BRWD3: variants seen among roughly 807,000 people sequenced by gnomAD.
BRWD3 encodes bromodomain and WD repeat-containing protein 3.
In BRWD3, 10 loss-of-function variants were observed where a neutral mutation model predicts 149.7. The ratio of observed to expected loss-of-function variants is 0.07; its 90% CI spans 0.04 to 0.11. BRWD3 has a LOEUF of 0.11. Among genes scored for constraint, BRWD3 ranks in the 10% least tolerant of loss-of-function variants. The pLI, the probability that BRWD3 is intolerant of heterozygous loss-of-function variation, is 1.00. For missense variants in BRWD3, 940 were observed against 1,373.2 expected (o/e 0.68, Z 4.99); for synonymous variants, 504 against 456.7 (o/e 1.10, Z -1.32).
intron 6 of BRWD3, among the ~76,000 whole-genome samples, chrX:80,779,184 G>A (rs1003761985): frequency 6.3e-5 from 7 of 110,355 alleles, no homozygotes; most frequent in East Asian, 5.7e-4. Flanking sequence ...GCGTGGTGGC[G>A]CATGCCTGCA....
intron 19 of BRWD3, among the ~76,000 whole-genome samples, chrX:80,716,592 T>C (rs2147743834): frequency 8.9e-6 from 1 of 112,372 alleles, no homozygotes; most frequent in East Asian, 2.8e-4. Context: ...ATTTGTCCTT[T>C]TGTCTCTGGC....
rs981558589 is a variant in BRWD3, at chrX:80,670,019, A to G, written c.*6590T>C. 1.8e-5 allele frequency among the ~76,000 whole-genome samples: 2 copies of G among 111,033 alleles called. No homozygotes were observed. Among genetic ancestry groups the G allele is most frequent in the Non-Finnish European group, 3.8e-5 (2 of 52,944 alleles). On this transcript the variant is annotated 3_prime_UTR_variant, in exon 41 of 41. Coordinates refer to ENST00000373275, the MANE Select transcript of BRWD3 (RefSeq NM_153252.5). ...CTAGATGTCTAGAATAATTAAAATT[A>G]TAAGATTTTATAATTATAATTAGAT...
At chrX:80,744,287 A>G (rs779118562) in intron 7 of BRWD3, 34 bp from the exon 8 acceptor site, 1 of 1,008,992 alleles carries the variant, frequency 9.9e-7, no homozygotes, top group Non-Finnish European at 1.3e-6. Flanking sequence ...GTTTATAATG[A>G]AGCAGAAATT....
chrX:80,764,537 T>A (rs1020236199), intron 6 of BRWD3, among the ~76,000 whole-genome samples: 1 of 108,982 alleles, frequency 9.2e-6, no homozygotes, highest in African/African-American at 3.4e-5. Flanking sequence ...ATGGTCTCGA[T>A]CTCCTGACCT....
At chrX:80,704,588 A>G (rs2072834856) in intron 23 of BRWD3, 90 bp downstream of exon 23, 1 of 844,425 alleles carries the variant, frequency 1.2e-6, no homozygotes, top group African/African-American at 2.1e-5. Context: ...TTATTTTTAG[A>G]GAAAAGTCAA....
intron 4 of BRWD3, among the ~76,000 whole-genome samples, chrX:80,805,405 G>A (rs936835983): frequency 9.0e-6 from 1 of 111,210 alleles, no homozygotes; most frequent in African/African-American, 3.3e-5. Flanking sequence ...CAGTATACGT[G>A]GCCATGCAAC....
intron 24 of BRWD3, among the ~76,000 whole-genome samples, chrX:80,700,932 G>A (rs2072777706): frequency 9.1e-6 from 1 of 110,355 alleles, no homozygotes; most frequent in South Asian, 3.9e-4. Context: ...TGTAGATTCT[G>A]TTATTTGCAA....
At chrX:80,688,026 A>G in intron 34 of BRWD3, 43 bp downstream of exon 34, 1 of 1,072,766 alleles carries the variant, frequency 9.3e-7, no homozygotes, top group Non-Finnish European at 1.3e-6. Flanking sequence ...TGACACAGGA[A>G]ACCTGAAAAC....
intron 14 of BRWD3, 123 bp from the exon 15 acceptor site, chrX:80,725,190 T>C (rs1219217052): frequency 4.1e-6 from 3 of 727,177 alleles, no homozygotes; most frequent in Admixed American, 5.2e-5. Flanking sequence ...TTTAACAGCA[T>C]TTATGACATG....
At position 80,691,807 on chromosome X, in the gene BRWD3, T is replaced by G; in HGVS notation, c.3481+16A>C. 1 of 1,210,552 alleles carries G rather than the reference T, an allele frequency of 8.3e-7. No individual in the cohort carries two copies. Among genetic ancestry groups the G allele is most frequent in the Non-Finnish European group, 1.1e-6 (1 of 895,038 alleles). On this transcript the variant is annotated intron_variant, in intron 30 of 40. Transcript: ENST00000373275. ...CTCTCTTGCATGCTCCTAAAATTTT[T>G]TCACATTCATCATACCCAGGGAAAG... is the stretch of plus-strand genomic sequence containing the variant.
At chrX:80,786,347 G>C (rs1463486299) in intron 6 of BRWD3, among the ~76,000 whole-genome samples, 1 of 110,995 alleles carries the variant, frequency 9.0e-6, no homozygotes. Flanking sequence ...AATGAAAAGA[G>C]GGACATGTCC....
At chrX:80,753,272 GTT>G (rs200981902) in intron 6 of BRWD3, among the ~76,000 whole-genome samples, 32 of 90,484 alleles carry the variant, frequency 3.5e-4, no homozygotes, top group South Asian at 2.3e-3. Flanking sequence ...GTGCTTTTCA[GTT>G]TTTTTTTTTT....
At chrX:80,803,219 T>C (rs2074320643) in intron 4 of BRWD3, among the ~76,000 whole-genome samples, 2 of 111,745 alleles carry the variant, frequency 1.8e-5, no homozygotes, top group South Asian at 7.5e-4. Flanking sequence ...GGAAAGTGTT[T>C]ATTAATCAAT....
intron 6 of BRWD3, among the ~76,000 whole-genome samples, chrX:80,758,082 C>T (rs749290842): frequency 4.9e-4 from 55 of 111,165 alleles, no homozygotes; most frequent in Admixed American, 6.7e-4. Context: ...GACTGTAATC[C>T]CAGTTACTCG....
At position 80,710,998 on chromosome X, in the gene BRWD3, ACCT is replaced by A. The variant is rs1262111924; in HGVS notation, c.2326-1424_2326-1422del. ...GCCAACTGTAAAATAAAATTGTTTC[ACCT>A]CCTGAAAAAAAAAAGAAATGTCTGG... On this transcript the variant is annotated intron_variant, in intron 20 of 40. Transcript: ENST00000373275. Among the ~76,000 whole-genome samples the A allele has an allele frequency of 8.3e-5, 9 of 107,869 alleles. No individual in the cohort carries two copies. In the East Asian group the frequency reaches 1.7e-3, roughly 21 times the overall value. 93.7% of individuals were successfully genotyped at this position (107,869 alleles called of 115,157 possible).
chrX:80,741,079 G>T (rs1055846225), intron 8 of BRWD3, among the ~76,000 whole-genome samples: 6 of 109,327 alleles, frequency 5.5e-5, no homozygotes, highest in African/African-American at 2.0e-4. Context: ...CCCACAACAG[G>T]CCCTGGTGTG....
chrX:80,722,823 G>A (rs1184330145), intron 16 of BRWD3, 36 bp from the exon 17 acceptor site: 4 of 1,095,054 alleles, frequency 3.7e-6, no homozygotes, highest in Non-Finnish European at 5.1e-6. Flanking sequence ...AACATACACA[G>A]GGAATTTATA....
intron 9 of BRWD3, 121 bp from the exon 10 acceptor site, chrX:80,735,318 G>A (rs866724284): frequency 3.5e-6 from 2 of 567,477 alleles, no homozygotes; most frequent in South Asian, 2.6e-5. Flanking sequence ...CAAAAGGAAC[G>A]TGGTCAATAA....
At chrX:80,800,539 CAAA>C (rs56396812) in intron 4 of BRWD3, among the ~76,000 whole-genome samples, 1 of 33,480 alleles carries the variant, frequency 3.0e-5, no homozygotes, top group Admixed American at 3.8e-4. Flanking sequence ...GATGCTGTCT[CAAA>C]AAAAAAAAAA....
Sources: allele counts gnomAD v4.1 joint callset (sites outside exome capture counted in the v4.1 genomes callset), GRCh38; gene constraint gnomAD v4.1.1; transcripts MANE v1.5; gene names NCBI Gene and HGNC (gene_info 2026-07-23, HGNC 2026-07-21).